CAPN2: variants seen among roughly 807,000 people sequenced by gnomAD.
CAPN2 encodes the protein calpain 2.
Under a neutral mutation model 102.3 loss-of-function variants are expected in CAPN2, and 92 were observed. That is an observed-to-expected ratio of 0.90 (90% confidence interval 0.76 to 1.07). The LOEUF (loss-of-function observed/expected upper bound fraction) is 1.07, where lower values mean the gene tolerates loss of function less well. Ranked by LOEUF, CAPN2 falls within the 50% of genes least tolerant of loss-of-function variation. The pLI is 0.00. For synonymous variants in CAPN2, 340 were observed against 355.4 expected (o/e 0.96, Z 0.49); for missense variants, 800 against 909.4 (o/e 0.88, Z 1.55).
At chr1:223,769,812 A>T (rs189283864) in intron 16 of CAPN2, 29 bp from the exon 17 acceptor site, 4 of 1,584,538 alleles carry the variant, frequency 2.5e-6, no homozygotes, top group Non-Finnish European at 3.4e-6. Flanking sequence ...ATGGACCCAC[A>T]CTCAAGGGCT....
In CAPN2 at chr1:223,725,883, T is replaced by C. The variant is rs763448796; in HGVS notation, c.307+8052T>C. ...AGTTTCCACTCACCCATCTGCGAAA[T>C]GGGAACAATGACGATGTTTGCGTCC... On this transcript the variant is annotated intron_variant, in intron 2 of 20. Coordinates refer to ENST00000295006, the MANE Select transcript of CAPN2 (RefSeq NM_001748.5). This position sits in a 1 kb window ranked among gnomAD's most constrained non-coding sequence, Gnocchi z 4.1. Among the ~76,000 whole-genome samples the C allele has an allele frequency of 1.8e-4, 27 of 152,190 alleles. No individual in the cohort carries two copies. The highest frequency in any genetic ancestry group is 3.1e-4 in the Non-Finnish European group (21 of 68,028).
rs1571785817 is a variant in CAPN2 at position 223,723,889 on chromosome 1, A to G, written c.307+6058A>G. Among the ~76,000 whole-genome samples the G allele has an allele frequency of 6.3e-5, 7 of 111,836 alleles. No individual in the cohort carries two copies. The South Asian group carries it at 1.8e-3, about 29-fold the overall frequency. The allele number at this position is 111,836 out of a possible 152,430, so 73.4% of individuals were successfully genotyped here. Reference sequence around the variant, plus strand: ...CCCATTTCCCATATACTTTCCTGCAAAGCCACAGGGCGTGCAAAGTGGGAT... The same window carrying G: ...CCCATTTCCCATATACTTTCCTGCAGAGCCACAGGGCGTGCAAAGTGGGAT... On this transcript the variant is annotated intron_variant, in intron 2 of 20. Coordinates refer to ENST00000295006, the MANE Select transcript of CAPN2 (RefSeq NM_001748.5).
At chr1:223,712,419 G>A, upstream of CAPN2, 1 of 1,083,444 alleles carries the variant, frequency 9.2e-7, no homozygotes, top group Non-Finnish European at 1.1e-6. Context: ...GCGCTCGGCA[G>A]GCCGCAGGAT....
intron 16 of CAPN2, among the ~76,000 whole-genome samples, chr1:223,769,097 GT>G (rs1558079391): frequency 1.3e-5 from 2 of 151,980 alleles, no homozygotes; most frequent in Non-Finnish European, 2.9e-5. Flanking sequence ...CTTCTGTGAA[GT>G]TTTTTCTGTT....
intron 5 of CAPN2, 28 bp from the exon 6 acceptor site, chr1:223,749,011 G>T (rs745347643): frequency 6.2e-7 from 1 of 1,602,286 alleles, no homozygotes; most frequent in Non-Finnish European, 8.6e-7. Context: ...AGCGGGTGCG[G>T]CCAGTCTGAC....
At chr1:223,733,203 C>A (rs906483595) in intron 2 of CAPN2, among the ~76,000 whole-genome samples, 5 of 152,080 alleles carry the variant, frequency 3.3e-5, no homozygotes, top group Non-Finnish European at 7.3e-5. Context: ...CTCTCCTGCA[C>A]TCCCCCTCCC....
chr1:223,749,015 G>C (rs769205400), intron 5 of CAPN2, 24 bp from the exon 6 acceptor site: 12 of 1,609,332 alleles, frequency 7.5e-6, no homozygotes, highest in Non-Finnish European at 1.0e-5. Context: ...GGTGCGGCCA[G>C]TCTGACGGTT....
chr1:223,750,705 T>C (rs535564347), intron 6 of CAPN2, among the ~76,000 whole-genome samples, 185 bp from the exon 7 acceptor site: 1 of 152,254 alleles, frequency 6.6e-6, no homozygotes, highest in South Asian at 2.1e-4. Context: ...CAGTGAGAGG[T>C]CTGGGTGCCA....
chr1:223,710,877 T>C (rs1659712207), upstream of CAPN2, among the ~76,000 whole-genome samples: 1 of 148,974 alleles, frequency 6.7e-6, no homozygotes, highest in African/African-American at 2.5e-5. Context: ...AATGTATTTC[T>C]TAAATGTACT....
intron 14 of CAPN2, among the ~76,000 whole-genome samples, chr1:223,762,937 C>G (rs1192092532): frequency 6.6e-6 from 1 of 152,158 alleles, no homozygotes; most frequent in African/African-American, 2.4e-5. Context: ...ATCCTCCAAC[C>G]TTGGTCTGCC....
chr1:223,702,186 G>A (rs1444032353), intron 1 of CAPN2, among the ~76,000 whole-genome samples: 3 of 151,882 alleles, frequency 2.0e-5, no homozygotes, highest in Non-Finnish European at 4.4e-5. Context: ...AGCACTTTGG[G>A]AGGCCGAGGT....
intron 2 of CAPN2, among the ~76,000 whole-genome samples, chr1:223,724,187 T>C (rs1660130998): frequency 6.6e-6 from 1 of 152,150 alleles, no homozygotes; most frequent in Admixed American, 6.5e-5. Context: ...GCTGGACTGG[T>C]GTTTGTGAGG....
rs377460203 is a variant in CAPN2, at chr1:223,771,773, G to C, written c.1904-36G>C. On this transcript the variant is annotated intron_variant, in intron 18 of 20. Coordinates refer to ENST00000295006, the MANE Select transcript of CAPN2 (RefSeq NM_001748.5). ...GCGCAGCTAAATGGAACAATCTAAT[G>C]CTTAGCAATGAGTTTGTTTGTTCAT... 6.0e-5 allele frequency: 76 copies of C among 1,262,338 alleles called. No individual in the cohort carries two copies. The African/African-American group carries it at 1.0e-3, about 17-fold the overall frequency. The allele number at this position is 1,262,338 out of a possible 1,614,324, so 78.2% of individuals were successfully genotyped here.
intron 2 of CAPN2, among the ~76,000 whole-genome samples, chr1:223,728,589 A>T (rs1008405824): frequency 2.0e-5 from 3 of 152,250 alleles, no homozygotes; most frequent in Non-Finnish European, 4.4e-5. Flanking sequence ...CTGGAAGAAC[A>T]TGTGAAACCA....
intron 16 of CAPN2, 96 bp downstream of exon 16, chr1:223,766,527 A>G (rs1382606052): frequency 1.5e-5 from 15 of 1,001,436 alleles, no homozygotes; most frequent in Non-Finnish European, 2.3e-5. Flanking sequence ...TTTTCAAAAT[A>G]GCCAGTTGTT....
At chr1:223,765,376 T>C (rs1198685148) in intron 15 of CAPN2, among the ~76,000 whole-genome samples, 3 of 152,138 alleles carry the variant, frequency 2.0e-5, no homozygotes, top group African/African-American at 4.8e-5. Flanking sequence ...GCACCCGCCC[T>C]CCTCTAATTT....
At chr1:223,774,267 C>A (rs942837628) in intron 20 of CAPN2, among the ~76,000 whole-genome samples, 1 of 151,896 alleles carries the variant, frequency 6.6e-6, no homozygotes, top group Admixed American at 6.6e-5. Context: ...CTAAGCCTTA[C>A]CTTTTGCAGG....
intron 5 of CAPN2, among the ~76,000 whole-genome samples, 161 bp from the exon 6 acceptor site, chr1:223,748,878 T>TC (rs1297963224): frequency 6.6e-6 from 1 of 152,226 alleles, no homozygotes; most frequent in Non-Finnish European, 1.5e-5. Context: ...GGAAAGGTTC[T>TC]CCAAGTGCAA....
chr1:223,745,898 T>G (rs1388388260), intron 4 of CAPN2, among the ~76,000 whole-genome samples: 1 of 152,234 alleles, frequency 6.6e-6, no homozygotes, highest in Non-Finnish European at 1.5e-5. Flanking sequence ...TGGGCAGAAC[T>G]ATTCATTGCA....
Sources: gnomAD v4.1 joint callset for allele counts (sites outside exome capture counted in the v4.1 genomes callset) on GRCh38, gnomAD v4.1.1 for gene constraint, Gnocchi (gnomAD v3.1) non-coding constraint, MANE v1.5 for transcripts, NCBI Gene and HGNC (gene_info 2026-07-23, HGNC 2026-07-21) for gene names.